KDM6A: variants seen among roughly 807,000 people sequenced by gnomAD.
KDM6A encodes lysine-specific demethylase 6A.
KDM6A carries 11 observed loss-of-function variants against 117.6 expected under a neutral mutation model. That is an observed-to-expected ratio of 0.09 (90% CI 0.06 to 0.15). The LOEUF (loss-of-function observed/expected upper bound fraction) is 0.15, where lower values mean the gene tolerates loss of function less well. Ranked by LOEUF, KDM6A falls within the 10% of genes least tolerant of loss-of-function variation. The pLI is 1.00. For synonymous variants in KDM6A, 384 were observed against 396.1 expected (o/e 0.97, Z 0.36); for missense variants, 799 against 1,077.3 (o/e 0.74, Z 3.62).
rs768244108 is a variant in KDM6A, at chrX:45,091,004, A to G, written c.4034+140A>G. 5.8e-5 allele frequency: 37 copies of G among 640,007 alleles called. No individual in the cohort carries two copies. The East Asian group carries it at 1.2e-3, about 20-fold the overall frequency. 52.7% of individuals were successfully genotyped at this position (640,007 alleles called of 1,213,427 possible). The stretch of plus-strand genomic sequence containing the variant: ...AGCAGAATGTATTATGAGAATCCAC[A>G]TGTTAAAAATATTTTTCCCTTTCAA... On this transcript the variant is annotated intron_variant, in intron 27 of 29. Transcript: ENST00000611820.
chrX:44,890,591 T>C (rs189801822), intron 2 of KDM6A, among the ~76,000 whole-genome samples: 9 of 108,042 alleles, frequency 8.3e-5, no homozygotes, highest in African/African-American at 3.1e-4. Context: ...GATGTATTGA[T>C]AGGTCATTAT....
At position 45,070,122 on chromosome X, in the gene KDM6A, A is replaced by G. The variant is rs147616688; in HGVS notation, c.2623A>G (p.Ile875Val). The G allele has an allele frequency of 5.0e-6, 6 of 1,210,143 alleles. No individual in the cohort carries two copies. Among genetic ancestry groups the G allele is most frequent in the Non-Finnish European group, 6.7e-6 (6 of 895,079 alleles). ...NSVASSPSSA[I>V]STATPSPKST... Reference sequence around the variant, plus strand: ...TGTTGCCTCTTCACCATCTTCAGCCATTTCAACAGCAACACCTTCTCCAAA... The same window carrying G: ...TGTTGCCTCTTCACCATCTTCAGCCGTTTCAACAGCAACACCTTCTCCAAA... Residue 875 changes from isoleucine (I) to valine (V), a missense_variant, in exon 18 of 30, where the codon ATT becomes GTT. Transcript: ENST00000611820.
At chrX:45,005,599 A>G (rs762775742) in intron 4 of KDM6A, among the ~76,000 whole-genome samples, 1 of 111,029 alleles carries the variant, frequency 9.0e-6, no homozygotes, top group Admixed American at 9.5e-5. Flanking sequence ...TTAAACAGCA[A>G]TATTTTATCA....
intron 2 of KDM6A, among the ~76,000 whole-genome samples, chrX:44,901,441 T>G (rs962103012): frequency 1.8e-5 from 2 of 111,143 alleles, no homozygotes; most frequent in Non-Finnish European, 3.8e-5. Flanking sequence ...TACACTTGAG[T>G]AGAATGTGTA....
intron 2 of KDM6A, among the ~76,000 whole-genome samples, chrX:44,883,693 T>C (rs2032542199): frequency 9.0e-6 from 1 of 111,323 alleles, no homozygotes; most frequent in Non-Finnish European, 1.9e-5. Context: ...TAGTTTTGAC[T>C]GGAGAAGTGA....
intron 5 of KDM6A, among the ~76,000 whole-genome samples, chrX:45,016,357 G>A (rs2041958297): frequency 9.0e-6 from 1 of 111,367 alleles, no homozygotes; most frequent in African/African-American, 3.3e-5. Context: ...ATGAAAATTT[G>A]TGGAATTAGT....
intron 2 of KDM6A, among the ~76,000 whole-genome samples, 176 bp from the exon 3 acceptor site, chrX:44,961,108 C>T (rs943665598): frequency 9.0e-6 from 1 of 111,475 alleles, no homozygotes; most frequent in Non-Finnish European, 1.9e-5. Context: ...TTAATAAATA[C>T]ATAGGGAAGC....
chrX:44,908,848 C>T (rs2034896319), intron 2 of KDM6A, among the ~76,000 whole-genome samples: 1 of 111,938 alleles, frequency 8.9e-6, no homozygotes, highest in Admixed American at 9.5e-5. Context: ...ACTTTCTTTT[C>T]AGAGATGTTG....
rs1247556053 is a variant in KDM6A, at chrX:44,932,688, C to T, written c.226-28596C>T. The stretch of plus-strand genomic sequence containing the variant: ...ATTTAATTGTAAATATTTATTAAGC[C>T]CCTTATTCACATGTCTTATCTATGT... On this transcript the variant is annotated intron_variant, in intron 2 of 29. Transcript: ENST00000611820. 4.5e-5 allele frequency among the ~76,000 whole-genome samples: 5 copies of T among 110,421 alleles called. No individual in the cohort carries two copies. In the South Asian group the frequency reaches 1.5e-3, roughly 34 times the overall value.
chrX:44,987,019 T>G (rs1222012205), intron 4 of KDM6A, among the ~76,000 whole-genome samples: 1 of 111,301 alleles, frequency 9.0e-6, no homozygotes, highest in Non-Finnish European at 1.9e-5. Context: ...GGTGTTAAAG[T>G]CTCCCATTAT....
At chrX:45,043,167 G>A (rs768406751) in intron 8 of KDM6A, among the ~76,000 whole-genome samples, 1 of 111,158 alleles carries the variant, frequency 9.0e-6, no homozygotes, top group Non-Finnish European at 1.9e-5. Flanking sequence ...GTGCATGCCT[G>A]TAGTCCCAGC....
intron 4 of KDM6A, among the ~76,000 whole-genome samples, chrX:44,978,358 C>A (rs1020674056): frequency 1.6e-4 from 18 of 112,033 alleles, no homozygotes; most frequent in African/African-American, 5.8e-4. Context: ...ACTAAATATT[C>A]ATATGCAGTT....
chrX:45,006,218 G>A (rs1455491803), intron 4 of KDM6A, among the ~76,000 whole-genome samples: 1 of 96,717 alleles, frequency 1.0e-5, no homozygotes, highest in Non-Finnish European at 2.1e-5. Context: ...CACTGGGTGA[G>A]TTCTGATTTC....
At chrX:44,894,877 C>A (rs2033687486) in intron 2 of KDM6A, among the ~76,000 whole-genome samples, 1 of 107,227 alleles carries the variant, frequency 9.3e-6, no homozygotes, top group African/African-American at 3.4e-5. Flanking sequence ...AAGTGATTCT[C>A]CCGCCTCAGC....
chrX:45,030,840 A>G (rs889728669), intron 6 of KDM6A, among the ~76,000 whole-genome samples: 8 of 110,810 alleles, frequency 7.2e-5, no homozygotes, highest in African/African-American at 2.6e-4. Flanking sequence ...CACCTGAGGC[A>G]TGTGCCACCA....
intron 8 of KDM6A, among the ~76,000 whole-genome samples, chrX:45,049,196 A>G (rs1462724735): frequency 8.9e-6 from 1 of 112,247 alleles, no homozygotes; most frequent in Non-Finnish European, 1.9e-5. Context: ...TATGTTTGCC[A>G]GTCTTAAAGG....
chrX:44,873,981 G>A lies in KDM6A; in HGVS notation c.219G>A (p.Leu73=), dbSNP rs1182714390. ...HEDGARTKAL[L]GKAVRCYESL... is the part of the protein sequence containing the mutation. The stretch of plus-strand genomic sequence containing the variant: ...ATGGCGCCAGGACGAAGGCCCTACT[G>A]GGCAAGGTAAGGCAGCTGCGAGTCG... The change falls in exon 2 of 30, where the codon CTG becomes CTA. Residue 73 remains leucine, a synonymous_variant. Transcript: ENST00000611820. 1.7e-6 allele frequency: 2 copies of A among 1,210,579 alleles called. No individual in the cohort carries two copies. Among genetic ancestry groups the A allele is most frequent in the South Asian group, 1.8e-5 (1 of 56,963 alleles).
chrX:44,898,839 T>C (rs991789481), intron 2 of KDM6A, among the ~76,000 whole-genome samples: 2 of 109,092 alleles, frequency 1.8e-5, no homozygotes, highest in African/African-American at 6.7e-5. Flanking sequence ...TCCCACAGCC[T>C]GCTTTTGCTG....
chrX:45,016,825 C>T (rs934956524), intron 5 of KDM6A, among the ~76,000 whole-genome samples: 7 of 111,245 alleles, frequency 6.3e-5, no homozygotes, highest in Non-Finnish European at 1.1e-4. Flanking sequence ...TGTGTCTTTC[C>T]AAATGTACTG....
Sources: gnomAD v4.1 joint callset for allele counts (sites outside exome capture counted in the v4.1 genomes callset) on GRCh38, gnomAD v4.1.1 for gene constraint, MANE v1.5 for transcripts, NCBI Gene and HGNC (gene_info 2026-07-23, HGNC 2026-07-21) for gene names.